Variants in PKD2 observed in about 807,000 individuals in gnomAD.
PKD2 encodes the protein polycystin 2, transient receptor potential cation channel.
Under a neutral mutation model 105.9 loss-of-function variants are expected in PKD2, and 48 were observed. The observed-to-expected ratio is 0.45, with a 90% confidence interval of 0.36 to 0.58. The LOEUF is 0.58. Among genes scored for constraint, PKD2 ranks in the 20% least tolerant of loss-of-function variants. PKD2 has a pLI of 0.00. For synonymous variants in PKD2, 464 were observed against 481.1 expected, an observed-to-expected ratio of 0.96 and a Z score of 0.46; for missense variants, 1,078 against 1,255.3, an observed-to-expected ratio of 0.86 and a Z score of 2.13.
At chr4:88,058,214 T>C (rs1720435613) in intron 9 of PKD2, 111 bp downstream of exon 9, 1 of 725,808 alleles carries the variant, frequency 1.4e-6, no homozygotes, top group Admixed American at 2.6e-5. Flanking sequence ...ACCCAGGAAG[T>C]AGAAAAAAGT....
intron 4 of PKD2, among the ~76,000 whole-genome samples, chr4:88,041,013 C>G (rs1411486226): frequency 1.3e-5 from 2 of 152,160 alleles, no homozygotes; most frequent in Non-Finnish European, 2.9e-5. Flanking sequence ...GAAGAAACGT[C>G]CTTTCTTCAC....
chr4:88,065,730 G>A (rs1720766631), intron 11 of PKD2, 32 bp from the exon 12 acceptor site: 1 of 1,494,934 alleles, frequency 6.7e-7, no homozygotes, highest in Non-Finnish European at 9.3e-7. Flanking sequence ...TACAAGGAAT[G>A]ATTTTTATCT....
At position 88,046,627 on chromosome 4, in the gene PKD2, C is replaced by G. The variant is rs1003853373; in HGVS notation, c.1320-15C>G. ...TGTTGTTGTTATTGTTTTAATTGTTCTTATTTACATGCAGGTTATTGGTTG... is the reference window on the plus strand; with the variant it reads ...TGTTGTTGTTATTGTTTTAATTGTTGTTATTTACATGCAGGTTATTGGTTG... On this transcript the variant is annotated splice_polypyrimidine_tract_variant and intron_variant, in intron 5 of 14. Coordinates refer to ENST00000237596, the MANE Select transcript of PKD2 (RefSeq NM_000297.4). 2.1e-6 allele frequency: 3 copies of G among 1,435,372 alleles called. No homozygotes were observed. The highest frequency in any genetic ancestry group is 1.4e-5 in the African/African-American group (1 of 71,382). 88.9% of individuals were successfully genotyped at this position (1,435,372 alleles called of 1,614,324 possible). A position where few individuals can be genotyped will look rare whatever the true frequency, so the allele number is the denominator to read the frequency against.
At chr4:88,065,640 T>C in intron 11 of PKD2, 122 bp from the exon 12 acceptor site, 2 of 1,182,666 alleles carry the variant, frequency 1.7e-6, no homozygotes, top group Non-Finnish European at 2.5e-6. Context: ...GAACATGTTA[T>C]AAGAGGAAAA....
At chr4:88,059,270 T>G (rs765003564) in intron 9 of PKD2, among the ~76,000 whole-genome samples, 1 of 152,160 alleles carries the variant, frequency 6.6e-6, no homozygotes, top group Non-Finnish European at 1.5e-5. Context: ...TATGCATGGT[T>G]TATGGCTCAT....
rs1333481381 is a variant in PKD2, at chr4:88,072,652, TCCAC to T, written c.2523-2157_2523-2154del. On this transcript the variant is annotated intron_variant, in intron 13 of 14. Coordinates refer to ENST00000237596, the MANE Select transcript of PKD2 (RefSeq NM_000297.4). ...ACCTTGCTTCTTCTGGCATGGAAACTCCACCCTACAAGTGGGAACTGAGTGGAAG... is the reference window on the plus strand; with the variant it reads ...ACCTTGCTTCTTCTGGCATGGAAACTCCTACAAGTGGGAACTGAGTGGAAG... Among the ~76,000 whole-genome samples the T allele has an allele frequency of 2.0e-5, 3 of 152,254 alleles. No individual in the cohort carries two copies. The East Asian group carries it at 5.8e-4, about 29-fold the overall frequency.
At chr4:88,017,172 A>C (rs943724556) in intron 1 of PKD2, among the ~76,000 whole-genome samples, 1 of 152,020 alleles carries the variant, frequency 6.6e-6, no homozygotes, top group Admixed American at 6.5e-5. Flanking sequence ...AAAAATCAAA[A>C]AATGAGGCGG....
Position 88,052,005 on chromosome 4 carries a change from T to C in PKD2, c.1563T>C (p.Ala521=), listed in dbSNP as rs1414384591. The C allele has an allele frequency of 4.4e-6, 7 of 1,585,320 alleles. No individual in the cohort carries two copies. The highest frequency in any genetic ancestry group is 6.1e-6 in the Non-Finnish European group (7 of 1,154,488). ...DVVIVVLSVV[A]IGINIYRTSN... ...TTGCTTTTCAGCTGTCAGTGGTAGC[T>C]ATAGGAATTAACATATACAGAACAT... The change falls in exon 7 of 15, where the codon GCT becomes GCC. Residue 521 remains alanine (A), a synonymous_variant. Coordinates refer to ENST00000237596, the MANE Select transcript of PKD2 (RefSeq NM_000297.4).
chr4:88,050,165 A>G (rs986314346), intron 6 of PKD2, among the ~76,000 whole-genome samples: 28 of 151,868 alleles, frequency 1.8e-4, no homozygotes, highest in African/African-American at 6.5e-4. Flanking sequence ...TAGTAGAGAC[A>G]GGGTTTCACC....
Position 88,061,937 on chromosome 4 carries a change from A to G in PKD2, c.2051A>G (p.Tyr684Cys). The stretch of plus-strand genomic sequence containing the variant: ...TTTTTGGCTATCATCAATGATACTT[A>G]CTCTGAAGTGAAATCTGACTTGGCA... ...NMFLAIINDTYSEVKSDLAQQ... is the reference protein window; with the variant it reads ...NMFLAIINDTCSEVKSDLAQQ... Residue 684 changes from tyrosine (Y) to cysteine (C), a missense_variant, in exon 10 of 15, where the codon TAC (tyrosine) becomes TGC (cysteine). By Grantham distance (194) the Tyr-to-Cys change is radical. Coordinates refer to ENST00000237596, the MANE Select transcript of PKD2 (RefSeq NM_000297.4). The G allele has an allele frequency of 6.3e-7, 1 of 1,575,802 alleles. No individual in the cohort carries two copies. The highest frequency in any genetic ancestry group is 8.7e-7 in the Non-Finnish European group (1 of 1,145,348).
Position 88,038,355 on chromosome 4 carries a change from A to AG in PKD2, c.952dup (p.Val318GlyfsTer23), listed in dbSNP as rs2110107069. ...TCATCTTCTATGAGAACCTGCTGTT[A>AG]GGGGTTCCACGAATACGGCAACTCC... On this transcript the variant is annotated frameshift_variant, in exon 4 of 15. Transcript: ENST00000237596. LOFTEE classifies it high-confidence loss of function. The AG allele has an allele frequency of 6.2e-7, 1 of 1,614,022 alleles. No individual in the cohort carries two copies. The highest frequency in any genetic ancestry group is 8.5e-7 in the Non-Finnish European group (1 of 1,179,874).
chr4:88,040,446 G>A (rs1727519105), intron 4 of PKD2, among the ~76,000 whole-genome samples: 1 of 152,160 alleles, frequency 6.6e-6, no homozygotes, highest in Non-Finnish European at 1.5e-5. Context: ...AGGGTGGATT[G>A]CCAAAGGGGA....
chr4:88,018,668 C>G (rs1012015321), intron 1 of PKD2, among the ~76,000 whole-genome samples: 1 of 152,232 alleles, frequency 6.6e-6, no homozygotes, highest in African/African-American at 2.4e-5. Flanking sequence ...TGCGGTCACT[C>G]TCTCCAGCAA....
chr4:88,063,163 G>A (rs1299672277), intron 10 of PKD2, among the ~76,000 whole-genome samples: 1 of 152,174 alleles, frequency 6.6e-6, no homozygotes, highest in Non-Finnish European at 1.5e-5. Context: ...CTGAGCATCT[G>A]CTATCCAATT....
intron 1 of PKD2, among the ~76,000 whole-genome samples, chr4:88,017,764 A>G (rs1269023218): frequency 6.6e-6 from 1 of 152,206 alleles, no homozygotes; most frequent in Non-Finnish European, 1.5e-5. Context: ...AGGCCAAGCA[A>G]TACCACGTAT....
intron 1 of PKD2, among the ~76,000 whole-genome samples, chr4:88,014,393 T>C (rs1390878864): frequency 6.6e-6 from 1 of 151,956 alleles, no homozygotes; most frequent in African/African-American, 2.4e-5. Context: ...GGCACACGCC[T>C]TTAATCCCAG....
chr4:88,034,226 A>T (rs1727255977), intron 2 of PKD2, among the ~76,000 whole-genome samples: 1 of 152,172 alleles, frequency 6.6e-6, no homozygotes, highest in Non-Finnish European at 1.5e-5. Context: ...AATTATTCAT[A>T]CATCTCTAGA....
Position 88,036,324 on chromosome 4 carries a change from ACT to A in PKD2, c.817_818del (p.Leu273ValfsTer29), listed in dbSNP as rs1057518969. 1.2e-6 allele frequency: 2 copies of A among 1,613,692 alleles called. No homozygotes were observed. The highest frequency in any genetic ancestry group is 8.5e-7 in the Non-Finnish European group (1 of 1,179,834). On this transcript the variant is annotated frameshift_variant, in exon 3 of 15. Transcript: ENST00000237596. LOFTEE classifies it high-confidence loss of function. ...VSKTEKTNFK[T>X]LSSMEDFWKF... ...CAAAACGGAGAAAACTAACTTTAAA[ACT>A]CTGTCTTCCATGGAAGACTTCTGGA...
At chr4:88,069,866 A>G (rs1720949833) in intron 13 of PKD2, among the ~76,000 whole-genome samples, 2 of 152,138 alleles carry the variant, frequency 1.3e-5, no homozygotes, top group South Asian at 4.1e-4. Flanking sequence ...ATTATTGTCA[A>G]ATATATTACA....
Sources: gnomAD v4.1 joint callset for allele counts (sites outside exome capture counted in the v4.1 genomes callset) on GRCh38, gnomAD v4.1.1 for gene constraint, MANE v1.5 for transcripts, NCBI Gene and HGNC (gene_info 2026-07-23, HGNC 2026-07-21) for gene names.